Variants in PCLO observed in about 807,000 individuals in gnomAD.
PCLO encodes the protein protein piccolo.
PCLO carries 82 observed loss-of-function variants against 427.5 expected under a neutral mutation model. The observed-to-expected ratio is 0.19, with a 90% CI of 0.16 to 0.23. PCLO has a LOEUF of 0.23. Among genes scored for constraint, PCLO ranks in the 10% least tolerant of loss-of-function variants. The pLI, the probability that PCLO is intolerant of heterozygous loss-of-function variation, is 1.00. For synonymous variants in PCLO, 2,357 were observed against 2,155.4 expected (o/e 1.09, Z -2.59); for missense variants, 6,239 against 6,115.9 (o/e 1.02, Z -0.67).
chr7:83,002,941 G>T (rs1319068918), intron 3 of PCLO, among the ~76,000 whole-genome samples: 1 of 151,382 alleles, frequency 6.6e-6, no homozygotes, highest in East Asian at 1.9e-4. Context: ...AAAATATTTT[G>T]TCTTATGTAC....
At chr7:83,072,933 G>A (rs965046467) in intron 3 of PCLO, among the ~76,000 whole-genome samples, 3 of 151,826 alleles carry the variant, frequency 2.0e-5, no homozygotes, top group Middle Eastern at 3.4e-3. Flanking sequence ...CATCAAATCA[G>A]TTGCAAAATG....
intron 3 of PCLO, among the ~76,000 whole-genome samples, chr7:83,028,740 G>T (rs1788574422): frequency 2.0e-5 from 3 of 151,016 alleles, no homozygotes; most frequent in Admixed American, 1.3e-4. Flanking sequence ...AAACAGCATG[G>T]TACTGGTACC....
chr7:82,858,838 T>C (rs912985823), intron 10 of PCLO, among the ~76,000 whole-genome samples: 58 of 152,240 alleles, frequency 3.8e-4, no homozygotes, highest in African/African-American at 1.3e-3. Context: ...GAAAAAATAC[T>C]ATGCGCCTAT....
chr7:82,999,494 TATATAATATTATATTAAAATATAAA>T (rs544818409), intron 3 of PCLO, among the ~76,000 whole-genome samples: 213 of 19,672 alleles, frequency 0.011, 25 homozygotes, highest in Middle Eastern at 0.036. Context: ...AAATATAATA[TATATAATATTATATTAAAATATAAA>T]ATATAATATT....
intron 6 of PCLO, among the ~76,000 whole-genome samples, chr7:82,929,183 A>T (rs1794785156): frequency 1.3e-5 from 2 of 152,200 alleles, no homozygotes. Flanking sequence ...GGGGGATAAT[A>T]AATTATTTCA....
chr7:82,951,008 C>T lies in PCLO; in HGVS notation c.9580G>A (p.Val3194Met). 6.2e-7 allele frequency: 1 copy of T among 1,613,888 alleles called. No individual in the cohort carries two copies. Among genetic ancestry groups the T allele is most frequent in the Non-Finnish European group, 8.5e-7 (1 of 1,179,848 alleles). Residue 3194 changes from valine (V) to methionine (M), a missense_variant, in exon 6 of 25, where the codon GTG (valine) becomes ATG (methionine). By Grantham distance (21) the Val-to-Met change is conservative. Coordinates refer to ENST00000333891, the MANE Select transcript of PCLO (RefSeq NM_033026.6). ...LTTASEVFPE[V>M]VGDESALLIV... ...AAAAGAGCACTTTCATCTCCCACCA[C>T]TTCAGGAAACACTTCGGATGCTGTG...
intron 3 of PCLO, among the ~76,000 whole-genome samples, chr7:83,071,160 T>C (rs1447656959): frequency 6.6e-6 from 1 of 152,096 alleles, no homozygotes; most frequent in East Asian, 1.9e-4. Context: ...TTTTCAAATC[T>C]TTTCCATCAC....
At chr7:83,062,619 T>C (rs541629467) in intron 3 of PCLO, among the ~76,000 whole-genome samples, 2 of 152,306 alleles carry the variant, frequency 1.3e-5, no homozygotes, top group South Asian at 4.1e-4. Flanking sequence ...GTGACTTCTA[T>C]GTGTGAGGCA....
chr7:83,125,723 A>T (rs1791421785), intron 3 of PCLO, among the ~76,000 whole-genome samples: 2 of 152,108 alleles, frequency 1.3e-5, no homozygotes, highest in Non-Finnish European at 2.9e-5. Context: ...CCCTAATCTC[A>T]AGTACCCAGG....
At chr7:83,036,090 T>C (rs1231869630) in intron 3 of PCLO, among the ~76,000 whole-genome samples, 5 of 152,202 alleles carry the variant, frequency 3.3e-5, no homozygotes, top group Admixed American at 3.3e-4. Context: ...CCTGATCCCT[T>C]TCCTTCTAAG....
intron 3 of PCLO, among the ~76,000 whole-genome samples, chr7:83,019,351 G>A (rs1265011302): frequency 6.6e-6 from 1 of 151,364 alleles, no homozygotes; most frequent in Non-Finnish European, 1.5e-5. Context: ...AACCTATCTA[G>A]GCAAAAAGTA....
rs541348174 is a variant in PCLO, at chr7:83,134,252, C to T, written c.3298G>A (p.Glu1100Lys). The T allele has an allele frequency of 9.8e-6, 11 of 1,118,846 alleles. No homozygotes were observed. The East Asian group carries it at 4.0e-4, about 40-fold the overall frequency. The allele number at this position is 1,118,846 out of a possible 1,614,324, so 69.3% of individuals were successfully genotyped here. A position where few individuals can be genotyped will look rare whatever the true frequency, so the allele number is the denominator to read the frequency against. ...CGFNPTPHLTEIQEWLCLNCQ... is the reference protein window; with the variant it reads ...CGFNPTPHLTKIQEWLCLNCQ... ...ATATATATATATATATAACTTACCT[C>T]AGTCAAATGTGGTGTAGGGTTAAAT... Residue 1100 changes from glutamate (E) to lysine (K), a missense_variant and splice_region_variant, in exon 3 of 25, where the codon GAG becomes AAG. Physicochemically the swap from Glu to Lys is moderately conservative, Grantham distance 56. Around this residue, in one of 5 missense-constraint regions of PCLO, gnomAD observed 4,677 missense variants for 4,468.4 expected, o/e 1.05. Coordinates refer to ENST00000333891, the MANE Select transcript of PCLO (RefSeq NM_033026.6).
chr7:83,111,572 A>G (rs1388580897), intron 3 of PCLO, among the ~76,000 whole-genome samples: 1 of 152,216 alleles, frequency 6.6e-6, no homozygotes, highest in Admixed American at 6.5e-5. Flanking sequence ...AGTGGTTCCC[A>G]GCTGAGAGTC....
intron 23 of PCLO, 95 bp downstream of exon 23, chr7:82,761,264 G>T: frequency 1.5e-6 from 1 of 662,080 alleles, no homozygotes; most frequent in Non-Finnish European, 2.5e-6. Context: ...CATATTTGGT[G>T]TACAGTTCAA....
intron 3 of PCLO, among the ~76,000 whole-genome samples, chr7:83,080,946 TAATAA>T (rs1380705081): frequency 6.6e-6 from 1 of 151,636 alleles, no homozygotes; most frequent in East Asian, 1.9e-4. Context: ...AAAATAATTA[TAATAA>T]TATACTGTAA....
chr7:82,990,643 C>G (rs73710111), intron 3 of PCLO, among the ~76,000 whole-genome samples: 4,524 of 152,150 alleles, frequency 0.03, 236 homozygotes, highest in African/African-American at 0.1. Context: ...AACTTTTGTC[C>G]TCTACCATGT....
chr7:82,953,569 G>A lies in PCLO; in HGVS notation c.7384C>T (p.Leu2462=), dbSNP rs750482931. 1 of 1,612,738 alleles carries A rather than the reference G, an allele frequency of 6.2e-7. No individual in the cohort carries two copies. Among genetic ancestry groups the A allele is most frequent in the Non-Finnish European group, 8.5e-7 (1 of 1,179,198 alleles). Residue 2462 remains leucine, a synonymous_variant, in exon 5 of 25, where the codon CTA becomes TTA. Coordinates refer to ENST00000333891, the MANE Select transcript of PCLO (RefSeq NM_033026.6). The part of the protein sequence containing the change: ...ATPLFDAVTT[L]ETTAVLRSNG... Reference sequence around the variant, plus strand: ...CTTCTCAGAACAGCTGTGGTCTCTAGAGTAGTAACAGCATCAAACAGAGGT... The same window carrying A: ...CTTCTCAGAACAGCTGTGGTCTCTAAAGTAGTAACAGCATCAAACAGAGGT...
At chr7:82,914,645 T>C (rs1307446763) in intron 7 of PCLO, 41 bp downstream of exon 7, 1 of 1,592,536 alleles carries the variant, frequency 6.3e-7, no homozygotes, top group Admixed American at 1.7e-5. Flanking sequence ...AATAAGAGTT[T>C]GAGTTTTGAG....
intron 3 of PCLO, among the ~76,000 whole-genome samples, chr7:83,087,672 T>G (rs1790272842): frequency 2.0e-5 from 3 of 152,122 alleles, no homozygotes; most frequent in Non-Finnish European, 4.4e-5. Flanking sequence ...ATATTCTATT[T>G]TAAATATAAA....
Sources: gnomAD v4.1 joint callset for allele counts (sites outside exome capture counted in the v4.1 genomes callset) on GRCh38, gnomAD v4.1.1 for gene constraint, gnomAD v4.1.1 regional missense constraint, MANE v1.5 for transcripts, NCBI Gene and HGNC (gene_info 2026-07-23, HGNC 2026-07-21) for gene names.